Variants in CHN2 observed in about 807,000 individuals in gnomAD.
The protein encoded by CHN2 is beta-chimaerin.
CHN2 carries 35 observed loss-of-function variants against 56.3 expected under a neutral mutation model. That is an observed-to-expected ratio of 0.62 (90% CI 0.47 to 0.82). The LOEUF (loss-of-function observed/expected upper bound fraction) is 0.82, where lower values mean the gene tolerates loss of function less well. Among genes scored for constraint, CHN2 ranks in the 40% least tolerant of loss-of-function variants. The pLI is 0.00. For synonymous variants in CHN2, 210 were observed against 212.8 expected (o/e 0.99, Z 0.12); for missense variants, 491 against 580.5 (o/e 0.85, Z 1.58).
Position 29,462,978 on chromosome 7 carries a change from C to T in CHN2, c.577-17301C>T, listed in dbSNP as rs146819034. Among the ~76,000 whole-genome samples, 462 of 141,080 alleles carry T rather than the reference C, an allele frequency of 3.3e-3. 5 individuals carry two copies. The highest frequency in any genetic ancestry group is 0.011 in the African/African-American group (414 of 37,548). The allele number at this position is 141,080 out of a possible 152,430, so 92.6% of individuals were successfully genotyped here. ...TTATCCGGGTTCCCAAGGAAGAGAC[C>T]TACCTCCCCACTCCACCTTGAACAG... is the stretch of plus-strand genomic sequence containing the variant. On this transcript the variant is annotated intron_variant, in intron 6 of 12. Transcript: ENST00000222792.
chr7:29,324,982 A>G (rs1169861837), intron 1 of CHN2, among the ~76,000 whole-genome samples: 1 of 152,186 alleles, frequency 6.6e-6, no homozygotes, highest in Non-Finnish European at 1.5e-5. Context: ...CTCTGTGTCT[A>G]AAATGCTTTG....
At chr7:29,504,524 A>C (rs949926741) in intron 9 of CHN2, among the ~76,000 whole-genome samples, 2 of 152,218 alleles carry the variant, frequency 1.3e-5, no homozygotes, top group Non-Finnish European at 2.9e-5. Flanking sequence ...CTGGATTTCC[A>C]TTGAGATCTC....
intron 1 of CHN2, among the ~76,000 whole-genome samples, chr7:29,326,165 TTG>T (rs755739829): frequency 2.0e-5 from 3 of 151,060 alleles, no homozygotes; most frequent in African/African-American, 7.4e-5. Flanking sequence ...TGTTTTGTTG[TTG>T]TTTTTTTTTG....
intron 1 of CHN2, among the ~76,000 whole-genome samples, chr7:29,313,984 T>G (rs1030370072): frequency 1.3e-5 from 2 of 152,176 alleles, no homozygotes; most frequent in Admixed American, 1.3e-4. Context: ...CCGTCCTTAG[T>G]GCTTGCCAGT....
chr7:29,321,550 T>TTTTC (rs35810982), intron 1 of CHN2, among the ~76,000 whole-genome samples: 46 of 148,056 alleles, frequency 3.1e-4, no homozygotes, highest in Non-Finnish European at 3.7e-4. Context: ...CCGTCTTTTC[T>TTTTC]TTTCTTTCTT....
At chr7:29,446,066 C>T (rs1388105157) in intron 6 of CHN2, among the ~76,000 whole-genome samples, 1 of 152,122 alleles carries the variant, frequency 6.6e-6, no homozygotes, top group Non-Finnish European at 1.5e-5. Flanking sequence ...GGCTATACCC[C>T]AGACCAATTA....
chr7:29,487,713 CTTTCCCTCCCTACT>C (rs1459750612), intron 7 of CHN2, among the ~76,000 whole-genome samples: 4 of 151,928 alleles, frequency 2.6e-5, no homozygotes, highest in African/African-American at 7.3e-5. Flanking sequence ...TCCCTCCTTC[CTTTCCCTCCCTACT>C]TTCATTATCT....
At chr7:29,356,936 G>A (rs942675452) in intron 2 of CHN2, among the ~76,000 whole-genome samples, 2 of 152,308 alleles carry the variant, frequency 1.3e-5, no homozygotes, top group East Asian at 3.9e-4. Flanking sequence ...ATGGCCTTGC[G>A]TACATTAACG....
At chr7:29,270,995 G>A (rs942582738) in intron 1 of CHN2, among the ~76,000 whole-genome samples, 2 of 152,130 alleles carry the variant, frequency 1.3e-5, no homozygotes, top group African/African-American at 2.4e-5. Context: ...TGCCAGAGAT[G>A]TGGAACTACA....
rs146911162 is a variant in CHN2 at position 29,266,716 on chromosome 7, G to T, written c.49+71726G>T. On this transcript the variant is annotated intron_variant, in intron 1 of 12. Coordinates refer to ENST00000222792, the MANE Select transcript of CHN2 (RefSeq NM_004067.4). ...AGTGGAGCAAGATTTTGAAACTCAG[G>T]TCCACTCCCTGATTCTTTCCACTGT... Among the ~76,000 whole-genome samples the T allele has an allele frequency of 2.0e-3, 298 of 152,320 alleles. 2 individuals are homozygous for T. The highest frequency in any genetic ancestry group is 6.9e-3 in the African/African-American group (286 of 41,570).
intron 1 of CHN2, among the ~76,000 whole-genome samples, chr7:29,310,012 A>G (rs959165919): frequency 5.9e-5 from 9 of 152,250 alleles, no homozygotes; most frequent in African/African-American, 1.9e-4. Context: ...CTCATGGGGC[A>G]GGCACATGGC....
At chr7:29,275,806 G>A (rs996363986) in intron 1 of CHN2, among the ~76,000 whole-genome samples, 5 of 152,212 alleles carry the variant, frequency 3.3e-5, no homozygotes, top group Admixed American at 2.6e-4. Context: ...CACCAGTGCA[G>A]TAGCAGGGCT....
chr7:29,494,045 C>G (rs1788956567), intron 7 of CHN2, among the ~76,000 whole-genome samples: 1 of 152,214 alleles, frequency 6.6e-6, no homozygotes, highest in Non-Finnish European at 1.5e-5. Context: ...CCCTGGCCAT[C>G]TAGTTCCTTC....
At chr7:29,218,243 T>C (rs1040513215) in intron 1 of CHN2, among the ~76,000 whole-genome samples, 6 of 151,174 alleles carry the variant, frequency 4.0e-5, no homozygotes, top group Admixed American at 3.9e-4. Context: ...TTCTTACCTG[T>C]AACCATAAAT....
chr7:29,267,993 T>C (rs976400029), intron 1 of CHN2, among the ~76,000 whole-genome samples: 5 of 152,202 alleles, frequency 3.3e-5, no homozygotes, highest in African/African-American at 1.2e-4. Flanking sequence ...GGAAGGTTCT[T>C]TTCCACTGAG....
chr7:29,183,771 TATGTAGATTAG>T (rs2128745677), intron 2 of CHN2, among the ~76,000 whole-genome samples: 1 of 152,320 alleles, frequency 6.6e-6, no homozygotes, highest in South Asian at 2.1e-4. Context: ...ATATATGATA[TATGTAGATTAG>T]ATATAGATTA....
chr7:29,424,696 T>G (rs1233695438), intron 6 of CHN2, among the ~76,000 whole-genome samples: 1 of 152,186 alleles, frequency 6.6e-6, no homozygotes, highest in Non-Finnish European at 1.5e-5. Flanking sequence ...GTTTCTCTTT[T>G]TTAAAAAAAA....
chr7:29,195,629 A>AGTGTGTGT (rs70980513), intron 1 of CHN2, among the ~76,000 whole-genome samples: 56 of 117,526 alleles, frequency 4.8e-4, no homozygotes, highest in African/African-American at 1.5e-3. Context: ...AGAGAGAGAG[A>AGTGTGTGT]GTGTGTGTGT....
chr7:29,387,405 A>G (rs1160190569), intron 3 of CHN2, among the ~76,000 whole-genome samples: 1 of 152,226 alleles, frequency 6.6e-6, no homozygotes, highest in Non-Finnish European at 1.5e-5. Flanking sequence ...TCATTCTGCA[A>G]ACATGCAATG....
Sources: gnomAD v4.1 joint callset for allele counts (sites outside exome capture counted in the v4.1 genomes callset) on GRCh38, gnomAD v4.1.1 for gene constraint, MANE v1.5 for transcripts, NCBI Gene and HGNC (gene_info 2026-07-23, HGNC 2026-07-21) for gene names.